The following RPS15A variants were observed in gnomAD, a reference collection of about 807,000 sequenced individuals.
The protein encoded by RPS15A is small ribosomal subunit protein uS8.
For missense variants in RPS15A, 62 were observed against 163.4 expected (o/e 0.38, Z 3.38); for synonymous variants, 55 against 58.5 (o/e 0.94, Z 0.27).
In RPS15A at chr16:18,784,838, C is replaced by T. The variant is rs1168503626; in HGVS notation, c.214-15G>A. 1.3e-6 allele frequency: 2 copies of T among 1,575,568 alleles called. No homozygotes were observed. Among genetic ancestry groups the T allele is most frequent in the Admixed American group, 1.9e-5 (1 of 53,642 alleles). ...ATCACCCCACACTATAAAATAACAA[C>T]AACAACAAAAACATTCTTCACTTTA... On this transcript the variant is annotated splice_polypyrimidine_tract_variant and intron_variant, in intron 3 of 4. Transcript: ENST00000322989.
intron 2 of RPS15A, chr16:18,788,580 C>T (rs1173862595): frequency 5.4e-6 from 1 of 185,010 alleles, no homozygotes; most frequent in Non-Finnish European, 1.1e-5. Context: ...CCTCCACCTG[C>T]TGGGTTCAAA....
At chr16:18,783,479 T>C (rs1903996805) in intron 4 of RPS15A, 2 of 359,780 alleles carry the variant, frequency 5.6e-6, no homozygotes, top group Admixed American at 3.7e-5. Context: ...ATGTACTGTA[T>C]AATAGCTAAA....
In RPS15A at chr16:18,782,985, T is replaced by C; in HGVS notation, c.*24A>G. 7.2e-7 allele frequency: 1 copy of C among 1,395,944 alleles called. No individual in the cohort carries two copies. Among genetic ancestry groups the C allele is most frequent in the Non-Finnish European group, 1.0e-6 (1 of 996,714 alleles). 86.5% of individuals were successfully genotyped at this position (1,395,944 alleles called of 1,614,324 possible). On this transcript the variant is annotated 3_prime_UTR_variant, in exon 5 of 5. Coordinates refer to ENST00000322989, the MANE Select transcript of RPS15A (RefSeq NM_001019.5). ...GCACCAGAGTCCATGAGGCATTTTATTTGTAAATATATGTATTACATCCCT... is the reference window on the plus strand; with the variant it reads ...GCACCAGAGTCCATGAGGCATTTTACTTGTAAATATATGTATTACATCCCT...
chr16:18,784,582 T>C (rs963471522), intron 4 of RPS15A, 156 bp downstream of exon 4: 35 of 617,128 alleles, frequency 5.7e-5, no homozygotes, highest in African/African-American at 5.3e-4. Flanking sequence ...AAAAGAAATA[T>C]GGATAACACT....
Position 18,789,090 on chromosome 16 carries a change from T to G in RPS15A, c.24A>C (p.Ala8=), listed in dbSNP as rs772395077. The G allele has an allele frequency of 1.9e-6, 3 of 1,613,752 alleles. No homozygotes were observed. The highest frequency in any genetic ancestry group is 1.7e-6 in the Non-Finnish European group (2 of 1,179,904). Residue 8 remains alanine, a synonymous_variant, in exon 2 of 5, where the codon GCA becomes GCC. Transcript: ENST00000322989. MVRMNVL[A]DALKSINNAE... is the part of the protein sequence containing the mutation. ...CATTGTTGATACTCTTGAGAGCATCTGCCAGGACATTCATGCGCACCATTG... is the reference window on the plus strand; with the variant it reads ...CATTGTTGATACTCTTGAGAGCATCGGCCAGGACATTCATGCGCACCATTG...
rs112918219 is a variant in RPS15A, at chr16:18,788,639, C to T, written c.133+342G>A. On this transcript the variant is annotated intron_variant, in intron 2 of 4. Transcript: ENST00000322989. ...AAAGAGCTGGGACTACAGGCGCCTG[C>T]CACCACGACCGGCTGATTTTTGTTT... The T allele has an allele frequency of 7.7e-3, 1,608 of 208,852 alleles. 35 individuals are homozygous for T. Among genetic ancestry groups the T allele is most frequent in the African/African-American group, 0.035 (1,489 of 43,148 alleles). 12.9% of individuals were successfully genotyped at this position (208,852 alleles called of 1,614,324 possible). A position where few individuals can be genotyped will look rare whatever the true frequency, so the allele number is the denominator to read the frequency against.
rs144412993 is a variant in RPS15A, at chr16:18,787,920, G to A, written c.213+143C>T. ...CCCAGGAGAGCAAATGAAGTTCCATGTGTCAATTTTTAAACCTTTTTAAAG... is the reference window on the plus strand; with the variant it reads ...CCCAGGAGAGCAAATGAAGTTCCATATGTCAATTTTTAAACCTTTTTAAAG... On this transcript the variant is annotated intron_variant, in intron 3 of 4. Transcript: ENST00000322989. 4.3e-3 allele frequency: 2,714 copies of A among 635,036 alleles called. 73 individuals are homozygous for A. The African/African-American group carries it at 0.045, about 10-fold the overall frequency. The allele number at this position is 635,036 out of a possible 1,614,324, so 39.3% of individuals were successfully genotyped here. A position where few individuals can be genotyped will look rare whatever the true frequency, so the allele number is the denominator to read the frequency against.
At chr16:18,786,446 T>C (rs1187273759) in intron 3 of RPS15A, 1 of 154,798 alleles carries the variant, frequency 6.5e-6, no homozygotes, top group Non-Finnish European at 1.5e-5. Context: ...AGAACAAGGG[T>C]GCCACAAATA....
chr16:18,789,933 G>C (rs2029994010), intron 1 of RPS15A: 1 of 152,252 alleles, frequency 6.6e-6, no homozygotes, highest in Non-Finnish European at 1.5e-5. Context: ...CTCCCAGCGC[G>C]GCCGCAGCAG....
At chr16:18,787,595 A>G (rs1038136562) in intron 3 of RPS15A, among the ~76,000 whole-genome samples, 1 of 152,242 alleles carries the variant, frequency 6.6e-6, no homozygotes, top group Non-Finnish European at 1.5e-5. Flanking sequence ...AAAGCAGCAT[A>G]GACCCCAAAG....
intron 4 of RPS15A, chr16:18,783,553 CT>C (rs1903998424): frequency 4.8e-6 from 2 of 415,156 alleles, no homozygotes; most frequent in African/African-American, 2.0e-5. Flanking sequence ...GTGGGGATCA[CT>C]GTAACAAGCA....
At chr16:18,789,274 G>C in intron 1 of RPS15A, 156 bp from the exon 2 acceptor site, 1 of 656,104 alleles carries the variant, frequency 1.5e-6, no homozygotes, top group Non-Finnish European at 2.5e-6. Flanking sequence ...CCACCACCCA[G>C]GAAAATTCCT....
intron 2 of RPS15A, 148 bp from the exon 3 acceptor site, chr16:18,788,290 G>C (rs1033036658): frequency 3.3e-6 from 2 of 608,518 alleles, no homozygotes; most frequent in East Asian, 5.5e-5. Context: ...CTCTGTATCA[G>C]AACTAATTTT....
chr16:18,784,684 C>A (rs1401360414), intron 4 of RPS15A, 54 bp downstream of exon 4: 10 of 1,339,524 alleles, frequency 7.5e-6, no homozygotes, highest in Non-Finnish European at 7.3e-6. Flanking sequence ...AGTCAAACTG[C>A]ACCACAGAAA....
At chr16:18,788,923 G>T in intron 2 of RPS15A, 58 bp downstream of exon 2, 10 of 1,558,354 alleles carry the variant, frequency 6.4e-6, no homozygotes, top group Non-Finnish European at 7.8e-6. Context: ...ATTTCTACAG[G>T]ACTGATTTCT....
intron 3 of RPS15A, 102 bp downstream of exon 3, chr16:18,787,961 A>G: frequency 1.3e-6 from 1 of 756,194 alleles, no homozygotes; most frequent in South Asian, 1.5e-5. Flanking sequence ...GGATAAATCA[A>G]GTATGGCACC....
chr16:18,788,674 G>C (rs2029950288), intron 2 of RPS15A: 2 of 253,012 alleles, frequency 7.9e-6, no homozygotes, highest in Non-Finnish European at 1.5e-5. Flanking sequence ...TTTGTTTTTT[G>C]TTTTTTTAGT....
At chr16:18,783,709 T>G in intron 4 of RPS15A, 1 of 456,050 alleles carries the variant, frequency 2.2e-6, no homozygotes. Flanking sequence ...TTGGAGGGTA[T>G]AAATTCTTAA....
rs1013782741 is a variant in RPS15A, at chr16:18,782,740, A to C, written c.*269T>G. ...CTGTCTCCAAAAAAGAAAAAAAAAAAAAAAAACTGAAATACAACTAAAATA... is the reference window on the plus strand; with the variant it reads ...CTGTCTCCAAAAAAGAAAAAAAAAACAAAAAACTGAAATACAACTAAAATA... On this transcript the variant is annotated 3_prime_UTR_variant, in exon 5 of 5. Transcript: ENST00000322989. The C allele has an allele frequency of 1.8e-5, 5 of 280,476 alleles. No individual in the cohort carries two copies. Among genetic ancestry groups the C allele is most frequent in the South Asian group, 1.3e-4 (2 of 15,330 alleles). 17.4% of individuals were successfully genotyped at this position (280,476 alleles called of 1,614,324 possible).
Sources: allele counts gnomAD v4.1 joint callset (sites outside exome capture counted in the v4.1 genomes callset), GRCh38; gene constraint gnomAD v4.1.1; transcripts MANE v1.5; gene names NCBI Gene and HGNC (gene_info 2026-07-23, HGNC 2026-07-21).